ENTREP1: variants seen among roughly 807,000 people sequenced by gnomAD.
The protein encoded by ENTREP1 is endosomal transmembrane epsin interactor 1.
chr9:69,329,913 G>A, the ENTREP1 span, among the ~76,000 whole-genome samples: 1 of 150,892 alleles, frequency 6.6e-6, no homozygotes, highest in African/African-American at 2.4e-5. Flanking sequence ...CTGGGGTATG[G>A]GAGTTAACTA....
chr9:69,386,079 T>C, the ENTREP1 span: 1 of 704,180 alleles, frequency 1.4e-6, no homozygotes, highest in African/African-American at 1.8e-5. Context: ...TTATGAGGTC[T>C]TGGGAAAGTA....
chr9:69,346,766 ACTAT>A, the ENTREP1 span, among the ~76,000 whole-genome samples: 2 of 152,222 alleles, frequency 1.3e-5, no homozygotes, highest in Non-Finnish European at 2.9e-5. Flanking sequence ...TCTGTGTTAG[ACTAT>A]CTAAGCAGGA....
the ENTREP1 span, among the ~76,000 whole-genome samples, chr9:69,365,223 G>A: frequency 3.9e-5 from 6 of 152,088 alleles, no homozygotes; most frequent in African/African-American, 1.4e-4. Context: ...ACATTCTTCC[G>A]TGTGTTTCCA....
At chr9:69,324,701 A>G in the ENTREP1 span, 4 of 983,926 alleles carry the variant, frequency 4.1e-6, no homozygotes, top group Non-Finnish European at 4.8e-6. Flanking sequence ...CTTGGCTTAC[A>G]CCTCTTCCCA....
chr9:69,368,831 ATTTTCTTTTTTTTTAAATTATACT>A, the ENTREP1 span, among the ~76,000 whole-genome samples: 1 of 151,690 alleles, frequency 6.6e-6, no homozygotes, highest in Non-Finnish European at 1.5e-5. Context: ...CTGACAAACA[ATTTTCTTTTTTTTTAAATTATACT>A]TTAAGTTCTG....
the ENTREP1 span, among the ~76,000 whole-genome samples, chr9:69,328,841 AC>A: frequency 6.6e-6 from 1 of 152,126 alleles, no homozygotes; most frequent in Non-Finnish European, 1.5e-5. Context: ...ATGTTTATCA[AC>A]CCTAAAGTTT....
the ENTREP1 span, among the ~76,000 whole-genome samples, chr9:69,337,124 C>T: frequency 6.8e-6 from 1 of 147,940 alleles, no homozygotes; most frequent in South Asian, 2.1e-4. Context: ...AAGCAATTGT[C>T]ATGCCTCAGC....
At chr9:69,335,696 C>T in the ENTREP1 span, among the ~76,000 whole-genome samples, 1 of 152,198 alleles carries the variant, frequency 6.6e-6, no homozygotes, top group African/African-American at 2.4e-5. Flanking sequence ...GAGGCTGACC[C>T]TGGCAACAGA....
At chr9:69,333,275 C>T in the ENTREP1 span, among the ~76,000 whole-genome samples, 4 of 151,664 alleles carry the variant, frequency 2.6e-5, no homozygotes, top group African/African-American at 7.3e-5. Context: ...ATTTTATGGG[C>T]TTTTATGGCT....
At chr9:69,353,340 C>T in the ENTREP1 span, among the ~76,000 whole-genome samples, 1 of 152,202 alleles carries the variant, frequency 6.6e-6, no homozygotes, top group Non-Finnish European at 1.5e-5. Context: ...AAAAGTTGAG[C>T]AAATAGCACA....
chr9:69,325,303 T>G, the ENTREP1 span: 2 of 1,178,962 alleles, frequency 1.7e-6, no homozygotes, highest in South Asian at 4.2e-5. Flanking sequence ...CCCTTCCCCG[T>G]CCGTCCATGT....
the ENTREP1 span, chr9:69,388,432 T>C: frequency 6.3e-7 from 1 of 1,599,708 alleles, no homozygotes; most frequent in Non-Finnish European, 8.5e-7. Context: ...CCATCACAAG[T>C]GCCAGTTTTC....
the ENTREP1 span, among the ~76,000 whole-genome samples, chr9:69,372,592 G>A: frequency 6.6e-6 from 1 of 152,116 alleles, no homozygotes; most frequent in Non-Finnish European, 1.5e-5. Context: ...ATCTGTGATG[G>A]ATATTTAGGT....
the ENTREP1 span, among the ~76,000 whole-genome samples, chr9:69,367,850 A>AATAT: frequency 8.8e-6 from 1 of 113,806 alleles, no homozygotes; most frequent in African/African-American, 3.5e-5. Flanking sequence ...TATATATATA[A>AATAT]ATATATACAC....
At chr9:69,383,961 A>G in the ENTREP1 span, 1 of 1,613,882 alleles carries the variant, frequency 6.2e-7, no homozygotes, top group Non-Finnish European at 8.5e-7. Flanking sequence ...CTTCATTCCA[A>G]ATGTCAGAAG....
chr9:69,391,915 G>A, the ENTREP1 span: 18 of 1,087,410 alleles, frequency 1.7e-5, no homozygotes, highest in East Asian at 2.6e-4. Flanking sequence ...TGGAGGACAC[G>A]TTTTCCCACC....
chr9:69,351,932 T>C, the ENTREP1 span, among the ~76,000 whole-genome samples: 3 of 152,212 alleles, frequency 2.0e-5, no homozygotes, highest in Non-Finnish European at 4.4e-5. Context: ...TCAAGAACAC[T>C]TTTTTGATCT....
chr9:69,387,709 A>T, the ENTREP1 span: 1 of 366,670 alleles, frequency 2.7e-6, no homozygotes, highest in Non-Finnish European at 5.2e-6. Flanking sequence ...TCAGAGCATT[A>T]CATTCATCTG....
chr9:69,357,557 A>G, the ENTREP1 span, among the ~76,000 whole-genome samples: 1 of 152,146 alleles, frequency 6.6e-6, no homozygotes, highest in Non-Finnish European at 1.5e-5. Flanking sequence ...GGTGATGGTA[A>G]TGTATCTGCC....
Sources: gnomAD v4.1 joint callset for allele counts (sites outside exome capture counted in the v4.1 genomes callset) on GRCh38, gnomAD v4.1.1 for gene constraint, MANE v1.5 for transcripts, NCBI Gene and HGNC (gene_info 2026-07-23, HGNC 2026-07-21) for gene names.